The following CCDC57 variants were observed in gnomAD, a reference collection of about 807,000 sequenced individuals.
CCDC57 encodes coiled-coil domain containing 57.
CCDC57 carries 118 observed loss-of-function variants against 118.9 expected under a neutral mutation model. The observed-to-expected ratio is 0.99, with a 90% CI of 0.86 to 1.16. The LOEUF is 1.16. CCDC57 is among the 50% of genes most tolerant of loss of function. The pLI, the probability that CCDC57 is intolerant of heterozygous loss-of-function variation, is 0.00. For synonymous variants in CCDC57, 527 were observed against 532.9 expected (o/e 0.99, Z 0.15); for missense variants, 1,300 against 1,320.7 (o/e 0.98, Z 0.24).
chr17:82,212,397 CTTTTTTT>C lies in CCDC57; in HGVS notation c.-211+381_-211+387del, dbSNP rs55941734. On this transcript the variant is annotated intron_variant, in intron 1 of 19. Coordinates refer to ENST00000665763, the Ensembl canonical transcript of CCDC57. The surrounding 1 kb of genome is among the most constrained non-coding windows in gnomAD (Gnocchi z 4.1). The stretch of plus-strand genomic sequence containing the variant: ...CGCCTCCGGCCTTTTTTTTTCCTCT[CTTTTTTT>C]TTTTTTTTTTTTAAACTCACAGACA... Among the ~76,000 whole-genome samples, 1 of 135,138 alleles carries C rather than the reference CTTTTTTT, an allele frequency of 7.4e-6. No homozygotes were observed. Among genetic ancestry groups the C allele is most frequent in the Non-Finnish European group, 1.5e-5 (1 of 65,084 alleles). 88.7% of individuals were successfully genotyped at this position (135,138 alleles called of 152,430 possible).
chr17:82,207,236 G>A (rs2049771127), intron 2 of CCDC57, among the ~76,000 whole-genome samples: 3 of 152,126 alleles, frequency 2.0e-5, no homozygotes. Flanking sequence ...GGCAGGCTGA[G>A]GTGGGAGGAT....
chr17:82,113,737 A>C, intron 19 of CCDC57: 1 of 700,906 alleles, frequency 1.4e-6, no homozygotes, highest in Non-Finnish European at 2.6e-6. Flanking sequence ...GTTCGAGACC[A>C]GCCTGGGTGA....
intron 16 of CCDC57, among the ~76,000 whole-genome samples, chr17:82,148,477 G>C (rs1252536217): frequency 1.3e-5 from 1 of 79,292 alleles, no homozygotes; most frequent in African/African-American, 4.7e-5. Flanking sequence ...GGGTGGGTGG[G>C]TGGGTGGATG....
intron 8 of CCDC57, 31 bp from the exon 8 acceptor site, chr17:82,183,963 G>A (rs1424564414): frequency 6.3e-7 from 1 of 1,575,164 alleles, no homozygotes; most frequent in East Asian, 2.3e-5. Flanking sequence ...ATGTAGATGT[G>A]GTTCTCACTC....
rs149552817 is a variant in CCDC57, at chr17:82,133,588, C to T, written c.2577+485G>A. ...AATAAAAAAAAATGGGGGCTGGGCG[C>T]GGTGGTTCATGCCTGTAATCCCAGC... On this transcript the variant is annotated intron_variant, in intron 17 of 19. Coordinates refer to ENST00000665763, the Ensembl canonical transcript of CCDC57. 9.0e-3 allele frequency among the ~76,000 whole-genome samples: 1,371 copies of T among 151,516 alleles called. 18 individuals carry two copies. The highest frequency in any genetic ancestry group is 0.032 in the African/African-American group (1,317 of 41,316).
intron 18 of CCDC57, among the ~76,000 whole-genome samples, chr17:82,128,135 A>T (rs1417564608): frequency 6.6e-6 from 1 of 152,100 alleles, no homozygotes; most frequent in Non-Finnish European, 1.5e-5. Flanking sequence ...CCTGAATCTC[A>T]GTGCTCGTCT....
chr17:82,190,695 CAAAAAAAAA>C (rs533549239), intron 7 of CCDC57, among the ~76,000 whole-genome samples: 1 of 49,964 alleles, frequency 2.0e-5, no homozygotes, highest in African/African-American at 7.1e-5. Flanking sequence ...GACTCTGTCT[CAAAAAAAAA>C]AAAAAAAAAA....
At chr17:82,161,604 C>T (rs868504358) in intron 14 of CCDC57, among the ~76,000 whole-genome samples, 2 of 152,112 alleles carry the variant, frequency 1.3e-5, no homozygotes, top group Non-Finnish European at 2.9e-5. Context: ...CAGAGCTGAA[C>T]CCTGAAAACA....
At chr17:82,112,865 A>C (rs745584341) in intron 19 of CCDC57, 1 of 153,558 alleles carries the variant, frequency 6.5e-6, no homozygotes, top group Non-Finnish European at 1.4e-5. Context: ...CCAGTTGTCC[A>C]ATGTCTGCAA....
Position 82,157,801 on chromosome 17 carries a change from G to C in CCDC57, c.2188C>G (p.Pro730Ala), listed in dbSNP as rs758523663. 4.0e-5 allele frequency: 65 copies of C among 1,605,502 alleles called. 1 individual carries two copies. The highest frequency in any genetic ancestry group is 1.2e-4 in the South Asian group (11 of 89,316). ...GCTGGGGGCTGCTTCCTGCCTGAAG[G>C]CTCCGCTCCCCCGTGCTGGGCTATC... The change falls in exon 15 of 20, where the codon CCT becomes GCT. Residue 730 changes from proline (P) to alanine (A), a missense_variant. Pro to Ala is a conservative substitution (Grantham distance 27). Transcript: ENST00000665763.
At chr17:82,189,822 A>G (rs768959557) in intron 7 of CCDC57, among the ~76,000 whole-genome samples, 2 of 151,602 alleles carry the variant, frequency 1.3e-5, no homozygotes, top group Non-Finnish European at 2.9e-5. Context: ...CACCAGCCTG[A>G]TCAACATGGA....
At chr17:82,150,395 C>T (rs369273326) in intron 16 of CCDC57, among the ~76,000 whole-genome samples, 20 of 142,718 alleles carry the variant, frequency 1.4e-4, no homozygotes, top group South Asian at 2.4e-4. Flanking sequence ...AGGCGCACAC[C>T]CAGAACCAGG....
intron 19 of CCDC57, among the ~76,000 whole-genome samples, chr17:82,102,838 T>C (rs2034547836): frequency 6.6e-6 from 1 of 151,550 alleles, no homozygotes; most frequent in Non-Finnish European, 1.5e-5. Flanking sequence ...TGAGCCGAGA[T>C]TGCGCCACTG....
Position 82,170,712 on chromosome 17 carries a change from C to T in CCDC57, c.1882+989G>A, listed in dbSNP as rs371627083. Among the ~76,000 whole-genome samples, 8 of 152,200 alleles carry T rather than the reference C, an allele frequency of 5.3e-5. No individual in the cohort carries two copies. In the East Asian group the frequency reaches 1.2e-3, roughly 22 times the overall value. Reference sequence around the variant, plus strand: ...GACTCCAGAAGTGAGAAAATAAAACCGTTGTTTAAGCCACTCAGGCTGTGG... The same window carrying T: ...GACTCCAGAAGTGAGAAAATAAAACTGTTGTTTAAGCCACTCAGGCTGTGG... On this transcript the variant is annotated intron_variant, in intron 13 of 19. Coordinates refer to ENST00000665763, the Ensembl canonical transcript of CCDC57.
At chr17:82,163,874 C>T (rs1250372054) in intron 13 of CCDC57, among the ~76,000 whole-genome samples, 2 of 152,140 alleles carry the variant, frequency 1.3e-5, no homozygotes, top group African/African-American at 4.8e-5. Context: ...GCTAAACATT[C>T]ATCTCAAGAA....
chr17:82,178,587 C>G, exon 11 of CCDC57: 1 of 1,612,778 alleles, frequency 6.2e-7, no homozygotes, highest in Non-Finnish European at 8.5e-7. Context: ...TGCTCTGTCT[C>G]CTGCAGCTTG....
chr17:82,181,949 C>G (rs2046260104), intron 9 of CCDC57, among the ~76,000 whole-genome samples: 2 of 152,026 alleles, frequency 1.3e-5, no homozygotes, highest in Admixed American at 6.6e-5. Flanking sequence ...GAAACCCTGT[C>G]TCTACTAAAA....
chr17:82,209,198 G>A (rs1272490011), intron 1 of CCDC57, among the ~76,000 whole-genome samples: 3 of 152,148 alleles, frequency 2.0e-5, no homozygotes, highest in Non-Finnish European at 4.4e-5. Context: ...TGCTGGAGAA[G>A]AGGGGCACCA....
Position 82,201,953 on chromosome 17 carries a change from C to T in CCDC57, c.-8-1G>A. ...GAGCCCAGTGGCAGCATGGTGGCCG[C>T]TGCAGTAAAGAGAAATCAGGTTCAG... is the stretch of plus-strand genomic sequence containing the variant. On this transcript the variant is annotated splice_acceptor_variant, in intron 2 of 19. Coordinates refer to ENST00000665763, the Ensembl canonical transcript of CCDC57. LOFTEE classifies it low-confidence loss of function (5UTR_SPLICE). The T allele has an allele frequency of 1.3e-6, 2 of 1,582,554 alleles. No individual in the cohort carries two copies. The highest frequency in any genetic ancestry group is 1.7e-6 in the Non-Finnish European group (2 of 1,162,712).
Sources: allele counts gnomAD v4.1 joint callset (sites outside exome capture counted in the v4.1 genomes callset), GRCh38; gene constraint gnomAD v4.1.1; non-coding constraint Gnocchi (gnomAD v3.1); transcripts MANE v1.5; gene names NCBI Gene and HGNC (gene_info 2026-07-23, HGNC 2026-07-21).